Variants in ADCY8 observed in about 807,000 individuals in gnomAD.
The protein encoded by ADCY8 is adenylate cyclase type 8.
A neutral mutation model predicts 119.7 loss-of-function variants in ADCY8; 51 were observed. The ratio of observed to expected loss-of-function variants is 0.43; its 90% CI spans 0.34 to 0.54. The LOEUF is 0.54. Among genes scored for constraint, ADCY8 ranks in the 20% least tolerant of loss-of-function variants. The pLI is 0.03. For missense variants in ADCY8, 1,383 were observed against 1,598.8 expected (o/e 0.87, Z 2.30); for synonymous variants, 665 against 651.0 (o/e 1.02, Z -0.33).
chr8:130,886,482 C>A (rs1818988063), intron 7 of ADCY8, among the ~76,000 whole-genome samples: 1 of 152,076 alleles, frequency 6.6e-6, no homozygotes. Flanking sequence ...TGCAGCATCC[C>A]AGAGAGCAAA....
chr8:130,809,639 G>A (rs183331953), intron 14 of ADCY8, among the ~76,000 whole-genome samples: 13 of 152,322 alleles, frequency 8.5e-5, no homozygotes, highest in African/African-American at 2.2e-4. Flanking sequence ...AAGAAACTGA[G>A]GCTCAGAGAA....
chr8:130,910,299 A>G (rs1819941653), intron 5 of ADCY8, among the ~76,000 whole-genome samples: 1 of 152,190 alleles, frequency 6.6e-6, no homozygotes, highest in South Asian at 2.1e-4. Flanking sequence ...GAATGGCACC[A>G]GCATCTTTTT....
At position 130,867,934 on chromosome 8, in the gene ADCY8, T is replaced by G. The variant is rs1393566711; in HGVS notation, c.2122A>C (p.Arg708=). 5 of 1,607,976 alleles carry G rather than the reference T, an allele frequency of 3.1e-6. No individual in the cohort carries two copies. The highest frequency in any genetic ancestry group is 4.3e-6 in the Non-Finnish European group (5 of 1,176,312). ...AAGTTTGACTTGAACACTTCATCCC[T>G]CATTTGAGAATACTGTAATTAAAAA... ...SSLEHKYSQM[R]DEVFKSNLVC... is the part of the protein sequence containing the mutation. Residue 708 remains arginine (R), a synonymous_variant, in exon 9 of 18, where the codon AGG becomes CGG. Transcript: ENST00000286355.
intron 8 of ADCY8, among the ~76,000 whole-genome samples, chr8:130,882,959 C>T (rs1323579643): frequency 6.6e-6 from 1 of 152,132 alleles, no homozygotes; most frequent in East Asian, 1.9e-4. Context: ...ATGCATAGCA[C>T]AGGCTAGGTG....
chr8:131,022,462 T>A (rs1270719826), intron 1 of ADCY8, among the ~76,000 whole-genome samples: 4 of 152,242 alleles, frequency 2.6e-5, no homozygotes, highest in Non-Finnish European at 5.9e-5. Context: ...TCATCCTTTT[T>A]TATGGTTGTA....
intron 8 of ADCY8, among the ~76,000 whole-genome samples, chr8:130,873,975 G>A (rs550364601): frequency 6.6e-6 from 1 of 152,164 alleles, no homozygotes; most frequent in East Asian, 1.9e-4. Context: ...TTAAATTCAT[G>A]CATTCTGTAG....
intron 7 of ADCY8, among the ~76,000 whole-genome samples, chr8:130,889,258 A>C (rs2130477650): frequency 6.6e-6 from 1 of 152,208 alleles, no homozygotes; most frequent in African/African-American, 2.4e-5. Flanking sequence ...TCTTTTGTTC[A>C]TGTCTTTGTC....
intron 14 of ADCY8, among the ~76,000 whole-genome samples, chr8:130,812,339 T>C (rs896947853): frequency 6.6e-6 from 1 of 152,176 alleles, no homozygotes; most frequent in Admixed American, 6.5e-5. Context: ...CTCCTTCTAG[T>C]GGTCCGAATA....
chr8:130,929,296 C>T (rs960977529), intron 5 of ADCY8, among the ~76,000 whole-genome samples: 1 of 151,960 alleles, frequency 6.6e-6, no homozygotes, highest in East Asian at 1.9e-4. Context: ...GTAAACTTCC[C>T]TTATATAACT....
chr8:130,965,264 C>A (rs12675820), intron 2 of ADCY8, among the ~76,000 whole-genome samples: 61,708 of 151,980 alleles, frequency 0.41, 13,306 homozygotes, highest in East Asian at 0.8. Flanking sequence ...AGGCTGAAAT[C>A]TAGAATGGTA....
chr8:130,821,496 G>T (rs1816507197), intron 12 of ADCY8, 76 bp from the exon 13 acceptor site: 3 of 1,119,678 alleles, frequency 2.7e-6, no homozygotes, highest in Non-Finnish European at 4.0e-6. Context: ...GGTTCAGAAA[G>T]GAGTGGTATA....
intron 15 of ADCY8, among the ~76,000 whole-genome samples, chr8:130,787,211 T>C (rs1034505816): frequency 3.3e-5 from 5 of 152,132 alleles, no homozygotes; most frequent in African/African-American, 1.2e-4. Context: ...GTTTGGATTT[T>C]GGAAAGTTCA....
intron 5 of ADCY8, among the ~76,000 whole-genome samples, chr8:130,911,795 AT>A (rs1819989817): frequency 1.3e-5 from 2 of 150,994 alleles, no homozygotes; most frequent in African/African-American, 4.9e-5. Flanking sequence ...AATAAATATA[AT>A]TTTATTAGAT....
chr8:131,036,560 T>C (rs780989488), intron 1 of ADCY8, among the ~76,000 whole-genome samples: 2 of 152,226 alleles, frequency 1.3e-5, no homozygotes, highest in Non-Finnish European at 2.9e-5. Context: ...CTTGCCCTTA[T>C]GGTGTTTACA....
At chr8:130,963,964 A>C (rs1329371714) in intron 2 of ADCY8, among the ~76,000 whole-genome samples, 2 of 152,204 alleles carry the variant, frequency 1.3e-5, no homozygotes, top group African/African-American at 2.4e-5. Flanking sequence ...TTTCCACCCC[A>C]ATGTTTTAGA....
intron 7 of ADCY8, chr8:130,892,217 C>A (rs1409747518): frequency 6.6e-6 from 1 of 152,064 alleles, no homozygotes; most frequent in Non-Finnish European, 1.5e-5. Context: ...ATTTCAGCAC[C>A]CCTCTGTTGT....
chr8:130,903,434 A>G (rs1819667669), intron 7 of ADCY8, among the ~76,000 whole-genome samples: 1 of 148,900 alleles, frequency 6.7e-6, no homozygotes, highest in Admixed American at 6.7e-5. Context: ...TAGTTTAATA[A>G]CAGAGGGTTT....
chr8:130,869,785 G>C (rs1419069397), intron 8 of ADCY8, among the ~76,000 whole-genome samples: 1 of 152,004 alleles, frequency 6.6e-6, no homozygotes, highest in Non-Finnish European at 1.5e-5. Context: ...CCAAAGGGCT[G>C]GGATTACAGG....
At chr8:130,940,933 T>C (rs890741676) in intron 4 of ADCY8, among the ~76,000 whole-genome samples, 1 of 152,202 alleles carries the variant, frequency 6.6e-6, no homozygotes, top group African/African-American at 2.4e-5. Flanking sequence ...GTTCACAGGG[T>C]AGAATCACAG....
Sources: gnomAD v4.1 joint callset for allele counts (sites outside exome capture counted in the v4.1 genomes callset) on GRCh38, gnomAD v4.1.1 for gene constraint, MANE v1.5 for transcripts, NCBI Gene and HGNC (gene_info 2026-07-23, HGNC 2026-07-21) for gene names.